The following TRPC5 variants were observed in gnomAD, a reference collection of about 807,000 sequenced individuals.
TRPC5 encodes the protein short transient receptor potential channel 5.
Under a neutral mutation model 56.5 loss-of-function variants are expected in TRPC5, and 9 were observed. The observed-to-expected ratio is 0.16, with a 90% CI of 0.10 to 0.28. The LOEUF is 0.28. Among genes scored for constraint, TRPC5 ranks in the 10% least tolerant of loss-of-function variants. The pLI, the probability that TRPC5 is intolerant of heterozygous loss-of-function variation, is 1.00. For synonymous variants in TRPC5, 282 were observed against 278.5 expected (o/e 1.01, Z -0.13); for missense variants, 469 against 748.9 (o/e 0.63, Z 4.36).
intron 6 of TRPC5, among the ~76,000 whole-genome samples, chrX:111,839,860 G>C (rs1205880758): frequency 9.0e-6 from 1 of 111,198 alleles, no homozygotes; most frequent in African/African-American, 3.3e-5. Context: ...AGGACTATAG[G>C]CATGCATCAC....
At chrX:111,828,282 G>A (rs919012109) in intron 7 of TRPC5, among the ~76,000 whole-genome samples, 1 of 111,451 alleles carries the variant, frequency 9.0e-6, no homozygotes, top group Non-Finnish European at 1.9e-5. Context: ...TGTCAGGGAG[G>A]GATCCAGCGG....
intron 2 of TRPC5, among the ~76,000 whole-genome samples, chrX:111,937,401 A>G (rs1182897495): frequency 2.6e-4 from 25 of 96,539 alleles, no homozygotes; most frequent in Non-Finnish European, 4.1e-4. Flanking sequence ...TTGGTGTTTT[A>G]GACATGAAGT....
chrX:111,859,721 G>A (rs1923338686), intron 3 of TRPC5, among the ~76,000 whole-genome samples: 2 of 112,042 alleles, frequency 1.8e-5, no homozygotes, highest in Non-Finnish European at 1.9e-5. Flanking sequence ...GTTTCCAAGG[G>A]TTTTATTCGT....
At chrX:112,064,692 G>C (rs1930537449) in intron 1 of TRPC5, among the ~76,000 whole-genome samples, 1 of 112,332 alleles carries the variant, frequency 8.9e-6, no homozygotes, top group African/African-American at 3.2e-5. Context: ...ATGAGTATTT[G>C]AAAGGGAAGG....
At chrX:111,982,390 G>A (rs1928106045) in intron 1 of TRPC5, among the ~76,000 whole-genome samples, 1 of 111,244 alleles carries the variant, frequency 9.0e-6, no homozygotes, top group Admixed American at 9.6e-5. Context: ...AGCTGGTCAC[G>A]GTTGTTTATC....
chrX:111,877,893 A>T (rs952266585), intron 3 of TRPC5, among the ~76,000 whole-genome samples: 1 of 111,588 alleles, frequency 9.0e-6, no homozygotes, highest in African/African-American at 3.3e-5. Flanking sequence ...AAGTCAATAA[A>T]GAGCGAAATT....
At chrX:111,796,730 A>G (rs1415863733) in intron 7 of TRPC5, among the ~76,000 whole-genome samples, 1 of 111,273 alleles carries the variant, frequency 9.0e-6, no homozygotes, top group East Asian at 2.8e-4. Context: ...CTACTTGTGT[A>G]GAGCTCAAGA....
At chrX:111,977,531 A>G (rs1927964328) in intron 1 of TRPC5, among the ~76,000 whole-genome samples, 1 of 112,044 alleles carries the variant, frequency 8.9e-6, no homozygotes, top group Admixed American at 9.5e-5. Flanking sequence ...AAACATAGGG[A>G]AAAACCTTCT....
intron 1 of TRPC5, among the ~76,000 whole-genome samples, chrX:112,010,557 G>C (rs905177110): frequency 1.8e-5 from 2 of 111,519 alleles, no homozygotes; most frequent in Admixed American, 9.6e-5. Flanking sequence ...TGTACAGTAT[G>C]TTACTGTACT....
At chrX:112,008,614 A>AAAT (rs1556608400) in intron 1 of TRPC5, among the ~76,000 whole-genome samples, 3 of 106,554 alleles carry the variant, frequency 2.8e-5, no homozygotes, top group African/African-American at 1.1e-4. Flanking sequence ...AAAAAAAAAA[A>AAAT]ATATAGAGAG....
intron 1 of TRPC5, among the ~76,000 whole-genome samples, chrX:112,069,083 C>T (rs1263360207): frequency 9.0e-6 from 1 of 111,362 alleles, no homozygotes. Flanking sequence ...AGGATGGCAG[C>T]TAATGAGAGC....
At chrX:111,829,086 G>A (rs1231710739) in intron 7 of TRPC5, among the ~76,000 whole-genome samples, 2 of 110,345 alleles carry the variant, frequency 1.8e-5, no homozygotes, top group Non-Finnish European at 3.8e-5. Flanking sequence ...GGTGGATCAC[G>A]AGGTCAGGCA....
At chrX:112,017,508 T>G (rs186814206) in intron 1 of TRPC5, among the ~76,000 whole-genome samples, 1 of 109,962 alleles carries the variant, frequency 9.1e-6, no homozygotes, top group East Asian at 2.9e-4. Flanking sequence ...TATGAGAGGT[T>G]AGATATTCTT....
intron 3 of TRPC5, among the ~76,000 whole-genome samples, chrX:111,870,000 C>T (rs1050171230): frequency 8.9e-6 from 1 of 111,823 alleles, no homozygotes; most frequent in African/African-American, 3.3e-5. Context: ...GGGGAAATAC[C>T]TTGAAGAATA....
At chrX:112,021,992 A>T (rs1207561444) in intron 1 of TRPC5, among the ~76,000 whole-genome samples, 1 of 112,251 alleles carries the variant, frequency 8.9e-6, no homozygotes, top group Non-Finnish European at 1.9e-5. Context: ...TGATGATTTG[A>T]TTGTGTCTAG....
intron 1 of TRPC5, among the ~76,000 whole-genome samples, chrX:112,016,896 T>C (rs1345822384): frequency 3.5e-5 from 4 of 112,684 alleles, no homozygotes; most frequent in Admixed American, 9.4e-5. Flanking sequence ...CAGCCTGATA[T>C]AGAGGGCTCT....
chrX:111,979,697 TG>T (rs760283025), intron 1 of TRPC5, among the ~76,000 whole-genome samples: 16 of 111,835 alleles, frequency 1.4e-4, no homozygotes, highest in South Asian at 3.7e-4. Flanking sequence ...GATATATAAA[TG>T]GAAAACAGGC....
intron 3 of TRPC5, among the ~76,000 whole-genome samples, chrX:111,889,038 G>T (rs1209622909): frequency 1.8e-5 from 2 of 112,212 alleles, no homozygotes; most frequent in Admixed American, 1.9e-4. Context: ...AGGAATCAAT[G>T]TAATGAAAGT....
At chrX:112,000,182 A>G (rs1928661612) in intron 1 of TRPC5, among the ~76,000 whole-genome samples, 1 of 111,475 alleles carries the variant, frequency 9.0e-6, no homozygotes, top group African/African-American at 3.3e-5. Flanking sequence ...TCACCAGCAG[A>G]TTTCTAAAAC....
Sources: gnomAD v4.1 joint callset for allele counts (sites outside exome capture counted in the v4.1 genomes callset) on GRCh38, gnomAD v4.1.1 for gene constraint, MANE v1.5 for transcripts, NCBI Gene and HGNC (gene_info 2026-07-23, HGNC 2026-07-21) for gene names.